The following THSD4 variants were observed in gnomAD, a reference collection of about 807,000 sequenced individuals.
THSD4 encodes thrombospondin type-1 domain-containing protein 4.
THSD4 carries 69 observed loss-of-function variants against 119.0 expected under a neutral mutation model. The observed-to-expected ratio is 0.58, with a 90% CI of 0.48 to 0.71. THSD4 has a LOEUF of 0.71. THSD4 is among the 30% of genes least tolerant of loss of function. The pLI is 0.00. For missense variants in THSD4, 1,393 were observed against 1,391.1 expected (o/e 1.00, Z -0.02); for synonymous variants, 524 against 540.4 (o/e 0.97, Z 0.42).
chr15:71,429,039 C>T (rs2140529194), intron 7 of THSD4, among the ~76,000 whole-genome samples: 1 of 152,292 alleles, frequency 6.6e-6, no homozygotes, highest in South Asian at 2.1e-4. Context: ...TTGGTTGTTT[C>T]CAGTCTTTTA....
chr15:71,606,431 G>A (rs1460364621), intron 7 of THSD4, among the ~76,000 whole-genome samples: 1 of 152,212 alleles, frequency 6.6e-6, no homozygotes, highest in Non-Finnish European at 1.5e-5. Flanking sequence ...CTATGGCAAA[G>A]TGAATGCAGT....
chr15:71,607,329 T>C (rs1454034055), intron 7 of THSD4, among the ~76,000 whole-genome samples: 2 of 152,180 alleles, frequency 1.3e-5, no homozygotes, highest in East Asian at 1.9e-4. Flanking sequence ...AAGGCAAGAA[T>C]GGATGGCATT....
At chr15:71,592,888 C>T (rs758050965) in intron 7 of THSD4, among the ~76,000 whole-genome samples, 5 of 152,072 alleles carry the variant, frequency 3.3e-5, no homozygotes, top group Admixed American at 6.5e-5. Flanking sequence ...TCTCTCATCG[C>T]GTTCCAGCTT....
intron 8 of THSD4, among the ~76,000 whole-genome samples, chr15:71,722,595 GAA>G: frequency 1.3e-5 from 2 of 152,282 alleles, no homozygotes; most frequent in South Asian, 4.1e-4. Context: ...ATCGTAAGAA[GAA>G]GTTATAAAAA....
rs894636892 is a variant in THSD4, at chr15:71,434,987, C to T, written c.1152+23164C>T. ...GCAAAGAAACAGTCCTCCCAAGACC[C>T]GGAGCCACCCGCTAAGACAGTTAGA... On this transcript the variant is annotated intron_variant, in intron 7 of 17. Transcript: ENST00000261862. Among the ~76,000 whole-genome samples, 11 of 152,196 alleles carry T rather than the reference C, an allele frequency of 7.2e-5. No individual in the cohort carries two copies. In the South Asian group the frequency reaches 1.0e-3, roughly 14 times the overall value.
intron 7 of THSD4, among the ~76,000 whole-genome samples, chr15:71,551,231 C>G (rs2048922490): frequency 6.6e-6 from 1 of 152,198 alleles, no homozygotes; most frequent in South Asian, 2.1e-4. Flanking sequence ...GTGTTATCGA[C>G]TATAATCACC....
At chr15:71,559,719 A>G (rs2049082622) in intron 7 of THSD4, among the ~76,000 whole-genome samples, 1 of 152,316 alleles carries the variant, frequency 6.6e-6, no homozygotes, top group South Asian at 2.1e-4. Flanking sequence ...GTGCTTTGCA[A>G]ACTGTAAAGA....
chr15:71,228,621 AACAAT>A (rs1312982390), intron 4 of THSD4, among the ~76,000 whole-genome samples: 16 of 152,218 alleles, frequency 1.1e-4, no homozygotes. Flanking sequence ...TGCTTACAGC[AACAAT>A]GTGATGAGCT....
At chr15:71,533,604 T>C (rs2048647291) in intron 7 of THSD4, among the ~76,000 whole-genome samples, 1 of 152,236 alleles carries the variant, frequency 6.6e-6, no homozygotes, top group African/African-American at 2.4e-5. Flanking sequence ...TTTTGGCTCA[T>C]GTCCACGATT....
At chr15:71,743,822 C>G (rs2053281319) in intron 11 of THSD4, among the ~76,000 whole-genome samples, 1 of 152,174 alleles carries the variant, frequency 6.6e-6, no homozygotes, top group African/African-American at 2.4e-5. Flanking sequence ...ACTTTCATGA[C>G]TGATGAAATA....
chr15:71,765,526 G>A (rs1380548937), intron 16 of THSD4, among the ~76,000 whole-genome samples: 1 of 152,220 alleles, frequency 6.6e-6, no homozygotes, highest in Non-Finnish European at 1.5e-5. Context: ...AGTTCCTGAG[G>A]TGTGTTGGAT....
At position 71,777,418 on chromosome 15, in the gene THSD4, G is replaced by C. The variant is rs375096591; in HGVS notation, c.*44G>C. 2.7e-5 allele frequency: 43 copies of C among 1,583,430 alleles called. No homozygotes were observed. The African/African-American group carries it at 5.1e-4, about 19-fold the overall frequency. On this transcript the variant is annotated 3_prime_UTR_variant, in exon 18 of 18. Coordinates refer to ENST00000261862, the MANE Select transcript of THSD4 (RefSeq NM_024817.3). ...AGTAGGGCAGCATCACTGCCTTCCC[G>C]GGGGCTTCAGCAGTGCGCCTGGCTG...
chr15:71,704,271 C>T (rs1225605860), intron 8 of THSD4, among the ~76,000 whole-genome samples: 1 of 152,168 alleles, frequency 6.6e-6, no homozygotes, highest in African/African-American at 2.4e-5. Flanking sequence ...TACATTAATC[C>T]TTGATATGGT....
upstream of THSD4, chr15:71,112,146 AC>A (rs1354304974): frequency 6.2e-7 from 1 of 1,613,656 alleles, no homozygotes; most frequent in Non-Finnish European, 8.5e-7. Context: ...GGGAGCCCTC[AC>A]CACGTGCAGA....
chr15:71,741,375 C>T (rs2053230952), intron 11 of THSD4, among the ~76,000 whole-genome samples: 1 of 152,054 alleles, frequency 6.6e-6, no homozygotes, highest in African/African-American at 2.4e-5. Flanking sequence ...TGCATGTAAT[C>T]CCAGCTACTC....
intron 1 of THSD4, among the ~76,000 whole-genome samples, chr15:71,132,284 TCATATTTTC>T (rs2040510798): frequency 1.3e-5 from 2 of 152,212 alleles, no homozygotes; most frequent in African/African-American, 4.8e-5. Flanking sequence ...ACGGTGTTCA[TCATATTTTC>T]CAACAATAAG....
At chr15:71,589,994 G>A (rs764087476) in intron 7 of THSD4, among the ~76,000 whole-genome samples, 5 of 139,676 alleles carry the variant, frequency 3.6e-5, no homozygotes, top group Non-Finnish European at 8.2e-5. Flanking sequence ...TTTTAAAAAT[G>A]TAAAACAATA....
intron 8 of THSD4, among the ~76,000 whole-genome samples, chr15:71,683,740 C>T (rs139646052): frequency 2.0e-5 from 3 of 152,194 alleles, no homozygotes; most frequent in African/African-American, 7.2e-5. Flanking sequence ...TTTGGGAGGC[C>T]GAGCCGAACG....
chr15:71,507,217 G>A (rs1595838546), intron 7 of THSD4, among the ~76,000 whole-genome samples: 1 of 152,230 alleles, frequency 6.6e-6, no homozygotes, highest in African/African-American at 2.4e-5. Context: ...CTGCCTCACC[G>A]CCCTGCCCCA....
Sources: allele counts gnomAD v4.1 joint callset (sites outside exome capture counted in the v4.1 genomes callset), GRCh38; gene constraint gnomAD v4.1.1; transcripts MANE v1.5; gene names NCBI Gene and HGNC (gene_info 2026-07-23, HGNC 2026-07-21).